Variants in ZNF84 observed in about 807,000 individuals in gnomAD.
ZNF84 encodes the protein zinc finger protein 84.
A neutral mutation model predicts 14.8 loss-of-function variants in ZNF84; 12 were observed. The ratio of observed to expected loss-of-function variants is 0.81; its 90% CI spans 0.52 to 1.31. ZNF84 has a LOEUF of 1.31. Ranked by LOEUF, ZNF84 falls within the 50% of genes most tolerant of loss-of-function variation. The pLI is 0.00. For synonymous variants in ZNF84, 347 were observed against 291.1 expected, an observed-to-expected ratio of 1.19 and a Z score of -1.96; for missense variants, 859 against 878.6, an observed-to-expected ratio of 0.98 and a Z score of 0.28.
At chr12:133,047,792 A>G in intron 2 of ZNF84, 163 bp from the exon 3 acceptor site, 1 of 682,012 alleles carries the variant, frequency 1.5e-6, no homozygotes, top group Non-Finnish European at 2.4e-6. Context: ...GAAGGATGGA[A>G]GAATGCACAA....
chr12:133,038,725 ATTTCT>A (rs1364123207), intron 1 of ZNF84: 7 of 152,184 alleles, frequency 4.6e-5, no homozygotes, highest in African/African-American at 1.7e-4. Flanking sequence ...CGAATTATAA[ATTTCT>A]TTAATTCTAT....
intron 4 of ZNF84, among the ~76,000 whole-genome samples, chr12:133,049,759 G>T (rs1033452576): frequency 2.6e-5 from 4 of 152,162 alleles, no homozygotes; most frequent in African/African-American, 9.7e-5. Context: ...GATTACAGGT[G>T]TGAACCACTG....
At position 133,048,774 on chromosome 12, in the gene ZNF84, A is replaced by C; in HGVS notation, c.164A>C (p.Asp55Ala). The part of the protein sequence containing the change: ...VSLGYEVMKP[D>A]VIFKLEQGEE... ...ACAGGGTATGAAGTTATGAAACCAGATGTCATCTTCAAATTGGAGCAAGGA... is the reference window on the plus strand; with the variant it reads ...ACAGGGTATGAAGTTATGAAACCAGCTGTCATCTTCAAATTGGAGCAAGGA... The change falls in exon 4 of 5, where the codon GAT (aspartate) becomes GCT (alanine). Residue 55 changes from aspartate to alanine, a missense_variant. Asp to Ala is a moderately radical substitution (Grantham distance 126). Coordinates refer to ENST00000539354, the MANE Select transcript of ZNF84 (RefSeq NM_001289971.2). 1 of 1,613,830 alleles carries C rather than the reference A, an allele frequency of 6.2e-7. No homozygotes were observed. The highest frequency in any genetic ancestry group is 8.5e-7 in the Non-Finnish European group (1 of 1,179,854).
intron 2 of ZNF84, among the ~76,000 whole-genome samples, chr12:133,042,533 T>C (rs1484926251): frequency 6.6e-6 from 1 of 152,218 alleles, no homozygotes; most frequent in East Asian, 1.9e-4. Flanking sequence ...TATGTATGTG[T>C]AGGAAAAAAG....
rs1206938347 is a variant in ZNF84 at position 133,059,713 on chromosome 12, A to G, written c.*781A>G. 6.6e-6 allele frequency: 1 copy of G among 152,316 alleles called. No individual in the cohort carries two copies. The highest frequency in any genetic ancestry group is 1.5e-5 in the Non-Finnish European group (1 of 68,042). 9.4% of individuals were successfully genotyped at this position (152,316 alleles called of 1,614,324 possible). On this transcript the variant is annotated 3_prime_UTR_variant, in exon 5 of 5. Coordinates refer to ENST00000539354, the MANE Select transcript of ZNF84 (RefSeq NM_001289971.2). ...GGAGTATGAAATGCATATGCCTTTTAGTGCCTCTGATGTCTGTGAAGACAA... is the reference window on the plus strand; with the variant it reads ...GGAGTATGAAATGCATATGCCTTTTGGTGCCTCTGATGTCTGTGAAGACAA...
chr12:133,046,904 TTTATA>T (rs1287388980), intron 2 of ZNF84, among the ~76,000 whole-genome samples: 11 of 144,306 alleles, frequency 7.6e-5, no homozygotes, highest in Non-Finnish European at 1.4e-4. Context: ...TAATATAATA[TTTATA>T]TTATATATTA....
rs887430570 is a variant in ZNF84 at position 133,057,274 on chromosome 12, G to C, written c.559G>C (p.Glu187Gln). The C allele has an allele frequency of 6.2e-7, 1 of 1,613,714 alleles. No individual in the cohort carries two copies. Among genetic ancestry groups the C allele is most frequent in the Non-Finnish European group, 8.5e-7 (1 of 1,179,918 alleles). The part of the protein sequence containing the change: ...LKYYDCDKYK[E>Q]SYKKSQIIIY... ...ATACTATGACTGTGATAAATATAAA[G>C]AGAGCTATAAAAAGTCACAGATTAT... is the stretch of plus-strand genomic sequence containing the variant. The change falls in exon 5 of 5, where the codon GAG becomes CAG. Residue 187 changes from glutamate to glutamine, a missense_variant. Glu to Gln is a conservative substitution (Grantham distance 29). Coordinates refer to ENST00000539354, the MANE Select transcript of ZNF84 (RefSeq NM_001289971.2).
At position 133,058,173 on chromosome 12, in the gene ZNF84, G is replaced by A. The variant is rs1435510413; in HGVS notation, c.1458G>A (p.Pro486=). ...AGAGAACTCATACGGGAGAAAAACC[G>A]TATGAATGCAGTGAGTGTGGGAAAG... ...RHQRTHTGEK[P]YECSECGKAF... Residue 486 remains proline, a synonymous_variant, in exon 5 of 5, where the codon CCG becomes CCA. Transcript: ENST00000539354. 1.9e-5 allele frequency: 31 copies of A among 1,613,730 alleles called. No homozygotes were observed. The Admixed American group carries it at 2.3e-4, about 12-fold the overall frequency.
Position 133,057,934 on chromosome 12 carries a change from G to T in ZNF84, c.1219G>T (p.Glu407Ter). ...HTGEKPYECS[E>*]CRKAFRERSS... Reference sequence around the variant, plus strand: ...TGGAGAGAAACCCTATGAATGCAGCGAGTGTAGGAAAGCATTTAGAGAGAG... The same window carrying T: ...TGGAGAGAAACCCTATGAATGCAGCTAGTGTAGGAAAGCATTTAGAGAGAG... Residue 407 changes from glutamate (E) to a stop codon, truncating the protein, a stop_gained, in exon 5 of 5, where the codon GAG becomes TAG. Transcript: ENST00000539354. LOFTEE classifies it low-confidence loss of function (END_TRUNC). 1 of 1,613,778 alleles carries T rather than the reference G, an allele frequency of 6.2e-7. No individual in the cohort carries two copies. The highest frequency in any genetic ancestry group is 1.1e-5 in the South Asian group (1 of 91,068).
intron 2 of ZNF84, among the ~76,000 whole-genome samples, chr12:133,043,746 A>T (rs1248607456): frequency 6.6e-6 from 1 of 151,686 alleles, no homozygotes; most frequent in African/African-American, 2.4e-5. Flanking sequence ...ACGGGAACTT[A>T]TTTTTTTAAT....
chr12:133,053,837 C>T (rs1954109527), intron 4 of ZNF84, among the ~76,000 whole-genome samples: 1 of 152,132 alleles, frequency 6.6e-6, no homozygotes, highest in Non-Finnish European at 1.5e-5. Flanking sequence ...CATAATCTAC[C>T]AAATTGTTCA....
Position 133,057,254 on chromosome 12 carries a change from A to G in ZNF84, c.539A>G (p.Tyr180Cys), listed in dbSNP as rs1257756263. 24 of 1,613,776 alleles carry G rather than the reference A, an allele frequency of 1.5e-5. No individual in the cohort carries two copies. The highest frequency in any genetic ancestry group is 1.6e-4 in the Middle Eastern group (1 of 6,080). The change falls in exon 5 of 5, where the codon TAT (tyrosine) becomes TGT (cysteine). Residue 180 changes from tyrosine to cysteine, a missense_variant. Coordinates refer to ENST00000539354, the MANE Select transcript of ZNF84 (RefSeq NM_001289971.2). ...PEDTDTWLKY[Y>C]DCDKYKESYK... ...GATACTGATACCTGGTTAAAATACTATGACTGTGATAAATATAAAGAGAGC... is the reference window on the plus strand; with the variant it reads ...GATACTGATACCTGGTTAAAATACTGTGACTGTGATAAATATAAAGAGAGC...
rs1954062910 is a variant in ZNF84 at position 133,051,162 on chromosome 12, TC to T, written c.238+2315del. 8.6e-5 allele frequency among the ~76,000 whole-genome samples: 4 copies of T among 46,694 alleles called. No homozygotes were observed. In the South Asian group the frequency reaches 3.5e-3, roughly 41 times the overall value. 30.6% of individuals were successfully genotyped at this position (46,694 alleles called of 152,430 possible). On this transcript the variant is annotated intron_variant, in intron 4 of 4. Transcript: ENST00000539354. Reference sequence around the variant, plus strand: ...AGGCAGATTTGTAATTTGAGAAACTTCTTGTTGTTTTTATGTGCCCTTTTTA... The same window carrying T: ...AGGCAGATTTGTAATTTGAGAAACTTTTGTTGTTTTTATGTGCCCTTTTTA...
At position 133,058,912 on chromosome 12, in the gene ZNF84, C is replaced by T; in HGVS notation, c.2197C>T (p.His733Tyr). Reference protein sequence around the residue: ...KSQLINHQRTHTVKKS With the variant: ...KSQLINHQRTYTVKKS Reference sequence around the variant, plus strand: ...ACAGCTCATCAATCATCAGAGAACTCATACAGTAAAAAAATCCTAGGAATA... The same window carrying T: ...ACAGCTCATCAATCATCAGAGAACTTATACAGTAAAAAAATCCTAGGAATA... Residue 733 changes from histidine (H) to tyrosine (Y), a missense_variant, in exon 5 of 5, where the codon CAT (histidine) becomes TAT (tyrosine). His to Tyr is a moderately conservative substitution (Grantham distance 83, BLOSUM62 2). Transcript: ENST00000539354. The T allele has an allele frequency of 6.2e-7, 1 of 1,602,424 alleles. No individual in the cohort carries two copies. The highest frequency in any genetic ancestry group is 8.5e-7 in the Non-Finnish European group (1 of 1,175,292).
chr12:133,046,971 ATT>A (rs1250025961), intron 2 of ZNF84, among the ~76,000 whole-genome samples: 3 of 102,782 alleles, frequency 2.9e-5, no homozygotes, highest in South Asian at 3.2e-4. Context: ...GTATTATATT[ATT>A]TATATATATA....
At chr12:133,053,444 A>G (rs1218292198) in intron 4 of ZNF84, among the ~76,000 whole-genome samples, 1 of 152,166 alleles carries the variant, frequency 6.6e-6, no homozygotes, top group Non-Finnish European at 1.5e-5. Flanking sequence ...AAATTAATAT[A>G]TTAGGCCTAA....
intron 4 of ZNF84, among the ~76,000 whole-genome samples, chr12:133,054,363 C>T (rs1157203301): frequency 6.6e-6 from 1 of 152,050 alleles, no homozygotes; most frequent in Non-Finnish European, 1.5e-5. Context: ...ATATGGGCGA[C>T]AGAGCAAGAC....
At chr12:133,056,828 T>C (rs1954167699) in intron 4 of ZNF84, 126 bp from the exon 5 acceptor site, 1 of 679,420 alleles carries the variant, frequency 1.5e-6, no homozygotes, top group Non-Finnish European at 2.4e-6. Flanking sequence ...ACTTGGGACT[T>C]ATTTCAGACT....
chr12:133,058,885 TCA>T lies in ZNF84; in HGVS notation c.2173_2174del (p.Gln725AlafsTer50). The T allele has an allele frequency of 1.2e-6, 2 of 1,612,754 alleles. No individual in the cohort carries two copies. The highest frequency in any genetic ancestry group is 8.5e-7 in the Non-Finnish European group (1 of 1,179,478). On this transcript the variant is annotated frameshift_variant, in exon 5 of 5. Transcript: ENST00000539354. LOFTEE classifies it high-confidence loss of function. ...ATGTGGGAAAGCTTTCTCACAGAAGTCACAGCTCATCAATCATCAGAGAACTC... is the reference window on the plus strand; with the variant it reads ...ATGTGGGAAAGCTTTCTCACAGAAGTCAGCTCATCAATCATCAGAGAACTC... ...IECGKAFSQKSQLINHQRTHT... is the reference protein window; with the variant it reads ...IECGKAFSQKXQLINHQRTHT...
Sources: allele counts gnomAD v4.1 joint callset (sites outside exome capture counted in the v4.1 genomes callset), GRCh38; gene constraint gnomAD v4.1.1; transcripts MANE v1.5; gene names NCBI Gene and HGNC (gene_info 2026-07-23, HGNC 2026-07-21).